CSMD1: variants seen among roughly 807,000 people sequenced by gnomAD.
CSMD1 encodes the protein CUB and Sushi multiple domains 1, also known as CUB and sushi domain-containing protein 1.
In CSMD1, 213 loss-of-function variants were observed where a neutral mutation model predicts 417.5. That is an observed-to-expected ratio of 0.51 (90% confidence interval 0.46 to 0.57). CSMD1 has a LOEUF of 0.57. CSMD1 is among the 20% of genes least tolerant of loss of function. The pLI, the probability that CSMD1 is intolerant of heterozygous loss-of-function variation, is 0.00. For missense variants in CSMD1, 6,923 were observed against 4,529.7 expected, an observed-to-expected ratio of 1.53 and a Z score of -15.17; for synonymous variants, 2,862 against 1,736.8, an observed-to-expected ratio of 1.65 and a Z score of -16.11.
At chr8:2,976,857 T>A (rs930845284) in intron 55 of CSMD1, among the ~76,000 whole-genome samples, 1 of 152,150 alleles carries the variant, frequency 6.6e-6, no homozygotes, top group African/African-American at 2.4e-5. Flanking sequence ...CTTTGGCTAT[T>A]TGGGTAAAAT....
In CSMD1 at chr8:3,449,624, A is replaced by T. The variant is rs1439113249; in HGVS notation, c.1561+19088T>A. Among the ~76,000 whole-genome samples, 3 of 151,294 alleles carry T rather than the reference A, an allele frequency of 2.0e-5. No homozygotes were observed. The East Asian group carries it at 5.8e-4, about 29-fold the overall frequency. On this transcript the variant is annotated intron_variant, in intron 12 of 69. Coordinates refer to ENST00000635120, the MANE Select transcript of CSMD1 (RefSeq NM_033225.6). ...ACTCTGCCTCTTGGGTTCAAGCAAT[A>T]CTCCTGCCTCAGCCTCCCAAGTAGC...
chr8:4,093,478 G>T (rs987555520), intron 3 of CSMD1, among the ~76,000 whole-genome samples: 9 of 152,130 alleles, frequency 5.9e-5, no homozygotes, highest in African/African-American at 2.2e-4. Flanking sequence ...TTAAATAGAA[G>T]TTACATAGAT....
intron 3 of CSMD1, among the ~76,000 whole-genome samples, chr8:4,076,459 A>G (rs1585260806): frequency 6.6e-6 from 1 of 152,340 alleles, no homozygotes; most frequent in East Asian, 1.9e-4. Flanking sequence ...TTTTAACTGT[A>G]ATAGTGACAG....
chr8:4,935,332 C>T (rs917150778), intron 1 of CSMD1, among the ~76,000 whole-genome samples: 3 of 152,318 alleles, frequency 2.0e-5, no homozygotes, highest in South Asian at 2.1e-4. Flanking sequence ...AATGCCCCTG[C>T]GCCCTCTGGG....
chr8:4,278,791 C>T lies in CSMD1; in HGVS notation c.415+141162G>A, dbSNP rs187573318. ...GAGCCAAGTGTGATTATGTGGAATG[C>T]TTTCATTTGTGTTTATAAATTTGGC... On this transcript the variant is annotated intron_variant, in intron 3 of 69. Transcript: ENST00000635120. Among the ~76,000 whole-genome samples the T allele has an allele frequency of 3.8e-3, 573 of 152,250 alleles. 4 individuals carry two copies. The highest frequency in any genetic ancestry group is 0.013 in the African/African-American group (546 of 41,544).
At chr8:3,542,042 T>G (rs77096724) in intron 10 of CSMD1, among the ~76,000 whole-genome samples, 1 of 152,156 alleles carries the variant, frequency 6.6e-6, no homozygotes. Flanking sequence ...TGTTGTTAAT[T>G]ATCTACTTCC....
intron 39 of CSMD1, among the ~76,000 whole-genome samples, chr8:3,157,467 A>T (rs538735251): frequency 6.6e-6 from 1 of 152,304 alleles, no homozygotes; most frequent in South Asian, 2.1e-4. Context: ...CCAACATGAA[A>T]TACTCCATCA....
chr8:3,488,104 T>TTATTATTATTATTAC (rs1818162782), intron 11 of CSMD1, among the ~76,000 whole-genome samples: 1 of 151,022 alleles, frequency 6.6e-6, no homozygotes, highest in Non-Finnish European at 1.5e-5. Flanking sequence ...ATTATTATTA[T>TTATTATTATTATTAC]TATTATTTTT....
intron 1 of CSMD1, among the ~76,000 whole-genome samples, chr8:4,665,383 G>A (rs1359702387): frequency 1.3e-5 from 2 of 152,122 alleles, no homozygotes; most frequent in African/African-American, 4.8e-5. Flanking sequence ...TTAGGTGAAC[G>A]GGTCCATGAG....
At chr8:4,951,805 C>T (rs1808767530) in intron 1 of CSMD1, among the ~76,000 whole-genome samples, 1 of 151,682 alleles carries the variant, frequency 6.6e-6, no homozygotes, top group East Asian at 1.9e-4. Flanking sequence ...ATTTCTGAGC[C>T]TTCTCCTTTG....
At chr8:4,985,891 A>G (rs1051366690) in intron 1 of CSMD1, among the ~76,000 whole-genome samples, 1 of 152,202 alleles carries the variant, frequency 6.6e-6, no homozygotes, top group Non-Finnish European at 1.5e-5. Flanking sequence ...GAAAAGAGAC[A>G]CAACAAGAAT....
intron 23 of CSMD1, among the ~76,000 whole-genome samples, chr8:3,324,837 G>T (rs1180075541): frequency 6.6e-6 from 1 of 152,190 alleles, no homozygotes; most frequent in African/African-American, 2.4e-5. Flanking sequence ...TATCACTTCA[G>T]ATCTTTGCAG....
chr8:4,065,275 T>C (rs150010178), intron 3 of CSMD1, among the ~76,000 whole-genome samples: 1 of 152,334 alleles, frequency 6.6e-6, no homozygotes, highest in East Asian at 1.9e-4. Flanking sequence ...CTGACTCTGT[T>C]GGGCAGTGCT....
intron 5 of CSMD1, among the ~76,000 whole-genome samples, chr8:3,850,649 C>T (rs937244363): frequency 1.7e-4 from 26 of 152,128 alleles, no homozygotes; most frequent in African/African-American, 5.8e-4. Flanking sequence ...GAGCCAAGAT[C>T]GCACCACTGC....
intron 3 of CSMD1, among the ~76,000 whole-genome samples, chr8:4,320,843 G>C (rs570978797): frequency 6.6e-6 from 1 of 152,028 alleles, no homozygotes; most frequent in East Asian, 1.9e-4. Context: ...ATAACCCAAA[G>C]GATTATAAAT....
At chr8:3,806,465 C>T (rs1440536646) in intron 5 of CSMD1, among the ~76,000 whole-genome samples, 1 of 152,182 alleles carries the variant, frequency 6.6e-6, no homozygotes, top group East Asian at 1.9e-4. Flanking sequence ...TTGAAGCTAT[C>T]AGCTTCTATA....
chr8:3,727,480 G>A (rs753436878), intron 6 of CSMD1, among the ~76,000 whole-genome samples: 6 of 152,166 alleles, frequency 3.9e-5, no homozygotes. Context: ...AATGAATAAA[G>A]AGTAAGAAGC....
At chr8:3,200,073 T>C (rs1054614269) in intron 32 of CSMD1, among the ~76,000 whole-genome samples, 1 of 152,100 alleles carries the variant, frequency 6.6e-6, no homozygotes, top group Non-Finnish European at 1.5e-5. Context: ...GCACCAATGG[T>C]AGGCCTATAT....
At chr8:4,707,381 C>T (rs1466105715) in intron 1 of CSMD1, among the ~76,000 whole-genome samples, 4 of 152,076 alleles carry the variant, frequency 2.6e-5, no homozygotes, top group African/African-American at 9.7e-5. Context: ...TTTCCAAAAG[C>T]ATGTTTTTAA....
Sources: gnomAD v4.1 joint callset for allele counts (sites outside exome capture counted in the v4.1 genomes callset) on GRCh38, gnomAD v4.1.1 for gene constraint, MANE v1.5 for transcripts, NCBI Gene and HGNC (gene_info 2026-07-23, HGNC 2026-07-21) for gene names.